PTPRK: variants seen among roughly 807,000 people sequenced by gnomAD.
PTPRK encodes the protein protein tyrosine phosphatase receptor type K, also known as receptor-type tyrosine-protein phosphatase kappa.
A neutral mutation model predicts 178.0 loss-of-function variants in PTPRK; 75 were observed. That is an observed-to-expected ratio of 0.42 (90% CI 0.35 to 0.51). The LOEUF (loss-of-function observed/expected upper bound fraction) is 0.51. Among genes scored for constraint, PTPRK ranks in the 20% least tolerant of loss-of-function variants. The pLI, the probability that PTPRK is intolerant of heterozygous loss-of-function variation, is 0.02. For synonymous variants in PTPRK, 637 were observed against 620.6 expected (o/e 1.03, Z -0.39); for missense variants, 1,441 against 1,797.8 (o/e 0.80, Z 3.59).
At chr6:128,190,410 G>T (rs566238735) in intron 6 of PTPRK, among the ~76,000 whole-genome samples, 2 of 142,564 alleles carry the variant, frequency 1.4e-5, no homozygotes, top group South Asian at 4.7e-4. Flanking sequence ...TATTTACTTT[G>T]TACACTGATA....
At chr6:128,421,586 T>G (rs764321446) in intron 1 of PTPRK, among the ~76,000 whole-genome samples, 20 of 152,334 alleles carry the variant, frequency 1.3e-4, no homozygotes, top group African/African-American at 4.6e-4. Context: ...AAGTATTCAC[T>G]TTTCCAGAAT....
chr6:128,356,334 C>T (rs1009239757), intron 2 of PTPRK, among the ~76,000 whole-genome samples: 3 of 152,176 alleles, frequency 2.0e-5, no homozygotes, highest in Non-Finnish European at 2.9e-5. Flanking sequence ...GTATAATCAA[C>T]GGACTTCCTC....
intron 1 of PTPRK, among the ~76,000 whole-genome samples, chr6:128,513,260 A>G (rs1386322862): frequency 6.6e-6 from 1 of 151,990 alleles, no homozygotes; most frequent in Non-Finnish European, 1.5e-5. Context: ...TAAAACAGGA[A>G]TATCACTTCA....
chr6:128,127,113 T>TC (rs910701143), intron 7 of PTPRK, among the ~76,000 whole-genome samples: 3 of 152,206 alleles, frequency 2.0e-5, no homozygotes, highest in Admixed American at 6.5e-5. Flanking sequence ...ATATGTCTAT[T>TC]CTGGGTTTTC....
intron 2 of PTPRK, among the ~76,000 whole-genome samples, chr6:128,382,111 C>T (rs1202489544): frequency 7.8e-6 from 1 of 127,874 alleles, no homozygotes; most frequent in Non-Finnish European, 1.6e-5. Context: ...ATGACTGTGA[C>T]ACTGCACTCA....
intron 13 of PTPRK, among the ~76,000 whole-genome samples, chr6:128,032,167 T>A (rs968080071): frequency 6.6e-6 from 1 of 152,210 alleles, no homozygotes; most frequent in Non-Finnish European, 1.5e-5. Context: ...TCCTGAGGCA[T>A]CCTCGGGCTG....
chr6:128,323,033 T>C lies in PTPRK; in HGVS notation c.224-723A>G, dbSNP rs548635888. Among the ~76,000 whole-genome samples the C allele has an allele frequency of 2.0e-4, 31 of 152,224 alleles. 1 individual carries two copies. The South Asian group carries it at 4.1e-3, about 20-fold the overall frequency. ...ACCACTGCTACTGGCCCCAGTTCTG[T>C]AACAGTCCCTAAACTCTTGTAGAGC... On this transcript the variant is annotated intron_variant, in intron 2 of 29. Coordinates refer to ENST00000368226, the MANE Select transcript of PTPRK (RefSeq NM_002844.4).
intron 3 of PTPRK, among the ~76,000 whole-genome samples, chr6:128,303,469 C>T (rs1199576372): frequency 6.6e-6 from 1 of 152,142 alleles, no homozygotes; most frequent in Non-Finnish European, 1.5e-5. Context: ...GAGATCATAT[C>T]CGTTAGTGTA....
intron 1 of PTPRK, among the ~76,000 whole-genome samples, chr6:128,403,417 C>G (rs1187606874): frequency 6.6e-6 from 1 of 152,156 alleles, no homozygotes; most frequent in Non-Finnish European, 1.5e-5. Context: ...GACAATATAT[C>G]TAGACACAGC....
chr6:128,087,119 T>C (rs1206230580), intron 8 of PTPRK, among the ~76,000 whole-genome samples: 1 of 152,116 alleles, frequency 6.6e-6, no homozygotes, highest in Non-Finnish European at 1.5e-5. Flanking sequence ...GTCATATTTA[T>C]ACTGAAAAAT....
At chr6:128,244,654 TCTCCAGC>T (rs1815127447) in intron 3 of PTPRK, among the ~76,000 whole-genome samples, 1 of 152,180 alleles carries the variant, frequency 6.6e-6, no homozygotes. Context: ...TATCTAATAA[TCTCCAGC>T]CATTTTATTC....
chr6:128,120,395 T>C (rs1433935095), intron 7 of PTPRK, among the ~76,000 whole-genome samples: 1 of 151,992 alleles, frequency 6.6e-6, no homozygotes, highest in Non-Finnish European at 1.5e-5. Context: ...GAAACATAAA[T>C]GTTTATCTCT....
chr6:128,293,924 C>T (rs1222565319), intron 3 of PTPRK, among the ~76,000 whole-genome samples: 1 of 152,086 alleles, frequency 6.6e-6, no homozygotes, highest in South Asian at 2.1e-4. Context: ...ATCAGATGGA[C>T]TCAAGCAGAC....
At chr6:128,316,021 C>T (rs1827949512) in intron 3 of PTPRK, among the ~76,000 whole-genome samples, 1 of 152,016 alleles carries the variant, frequency 6.6e-6, no homozygotes, top group South Asian at 2.1e-4. Context: ...TAATTGAAGA[C>T]AAAAATAATT....
At chr6:128,407,803 A>G (rs1841867283) in intron 1 of PTPRK, among the ~76,000 whole-genome samples, 1 of 152,194 alleles carries the variant, frequency 6.6e-6, no homozygotes, top group African/African-American at 2.4e-5. Context: ...GTTTATTAAA[A>G]AGGTGAACAC....
intron 7 of PTPRK, among the ~76,000 whole-genome samples, chr6:128,182,853 A>G (rs867855240): frequency 7.9e-5 from 12 of 152,152 alleles, no homozygotes; most frequent in African/African-American, 2.9e-4. Context: ...CAAAAATTAC[A>G]TTATATTAAC....
At chr6:128,201,489 T>C (rs1805945985) in intron 6 of PTPRK, among the ~76,000 whole-genome samples, 2 of 152,164 alleles carry the variant, frequency 1.3e-5, no homozygotes, top group East Asian at 3.9e-4. Flanking sequence ...TAGTCCTAAA[T>C]AGTTTCAAAT....
intron 1 of PTPRK, among the ~76,000 whole-genome samples, chr6:128,450,462 T>C (rs1368726021): frequency 2.0e-5 from 3 of 152,328 alleles, no homozygotes; most frequent in East Asian, 3.9e-4. Flanking sequence ...TTTTCACATA[T>C]AAGTATAATT....
At chr6:127,973,850 G>T in intron 27 of PTPRK, 23 bp from the exon 28 acceptor site, 1 of 1,600,326 alleles carries the variant, frequency 6.2e-7, no homozygotes, top group Non-Finnish European at 8.5e-7. Flanking sequence ...GTGTTTTTAT[G>T]TAAATACGCT....
Sources: gnomAD v4.1 joint callset for allele counts (sites outside exome capture counted in the v4.1 genomes callset) on GRCh38, gnomAD v4.1.1 for gene constraint, MANE v1.5 for transcripts, NCBI Gene and HGNC (gene_info 2026-07-23, HGNC 2026-07-21) for gene names.